ZMYND8: variants seen among roughly 807,000 people sequenced by gnomAD.
The protein encoded by ZMYND8 is zinc finger MYND-type containing 8.
In ZMYND8, 37 loss-of-function variants were observed where a neutral mutation model predicts 140.8. That is an observed-to-expected ratio of 0.26 (90% CI 0.20 to 0.35). ZMYND8 has a LOEUF of 0.35. ZMYND8 is among the 10% of genes least tolerant of loss of function. The pLI is 1.00. For missense variants in ZMYND8, 1,068 were observed against 1,570.0 expected (o/e 0.68, Z 5.40); for synonymous variants, 592 against 597.1 (o/e 0.99, Z 0.12).
intron 16 of ZMYND8, among the ~76,000 whole-genome samples, chr20:47,230,171 T>C (rs1035404886): frequency 2.0e-5 from 3 of 152,224 alleles, no homozygotes; most frequent in Non-Finnish European, 2.9e-5. Context: ...TGGATCGCAT[T>C]GTGGTGCCAC....
intron 7 of ZMYND8, 120 bp downstream of exon 7, chr20:47,290,067 G>A (rs1182699209): frequency 3.2e-6 from 3 of 939,356 alleles, no homozygotes; most frequent in Non-Finnish European, 4.6e-6. Context: ...ACATATATTA[G>A]CACAATCTAT....
Position 47,238,812 on chromosome 20 carries a change from G to A in ZMYND8, c.2611C>T (p.Gln871Ter), listed in dbSNP as rs2039584267. ...GTCCCCTGGGAAGACTGAGGCTGCT[G>A]CTGCTGGTTTTGCTGCTGCTGCTGC... is the stretch of plus-strand genomic sequence containing the variant. The part of the protein sequence containing the change: ...QQQQQQQNQQ[Q>*]QPQSSQGTRY... Residue 871 changes from glutamine (Q) to a stop codon, truncating the protein, a stop_gained, in exon 15 of 23, where the codon CAG becomes TAG. Transcript: ENST00000471951. LOFTEE classifies it high-confidence loss of function. The A allele has an allele frequency of 6.2e-7, 1 of 1,612,974 alleles. No individual in the cohort carries two copies. Among genetic ancestry groups the A allele is most frequent in the African/African-American group, 1.3e-5 (1 of 74,906 alleles).
At chr20:47,266,477 T>C (rs781251628) in intron 11 of ZMYND8, among the ~76,000 whole-genome samples, 2 of 152,136 alleles carry the variant, frequency 1.3e-5, no homozygotes, top group Non-Finnish European at 2.9e-5. Context: ...GATGGGGGTT[T>C]CACCATGTTG....
At position 47,276,306 on chromosome 20, in the gene ZMYND8, G is replaced by T. The variant is rs751663056; in HGVS notation, c.1480+8C>A. 3.2e-6 allele frequency: 5 copies of T among 1,544,352 alleles called. No homozygotes were observed. Among genetic ancestry groups the T allele is most frequent in the Non-Finnish European group, 4.4e-6 (5 of 1,143,726 alleles). On this transcript the variant is annotated splice_region_variant and intron_variant, in intron 11 of 22. Coordinates refer to ENST00000471951, the MANE Select transcript of ZMYND8 (RefSeq NM_001281775.3). Reference sequence around the variant, plus strand: ...GGCCTCCTCCCCGCTCCCCCGCACGGAGCTGACCTGTGCTCTTATCCAGGA... The same window carrying T: ...GGCCTCCTCCCCGCTCCCCCGCACGTAGCTGACCTGTGCTCTTATCCAGGA...
chr20:47,345,497 C>T (rs2082259755), intron 2 of ZMYND8, among the ~76,000 whole-genome samples: 1 of 151,126 alleles, frequency 6.6e-6, no homozygotes, highest in Non-Finnish European at 1.5e-5. Context: ...TGAGACAGAA[C>T]CTGACCCACT....
chr20:47,303,972 T>C (rs2148130518), intron 3 of ZMYND8, among the ~76,000 whole-genome samples: 1 of 152,050 alleles, frequency 6.6e-6, no homozygotes, highest in Middle Eastern at 3.4e-3. Flanking sequence ...TTAATCTCCT[T>C]ATCAATCAGA....
chr20:47,211,537 G>A (rs2035254183), intron 22 of ZMYND8, among the ~76,000 whole-genome samples: 1 of 152,206 alleles, frequency 6.6e-6, no homozygotes, highest in Non-Finnish European at 1.5e-5. Flanking sequence ...TGGACAAGGA[G>A]CTGAGTAGTG....
At chr20:47,322,484 A>G (rs1601919141) in intron 2 of ZMYND8, among the ~76,000 whole-genome samples, 1 of 134,202 alleles carries the variant, frequency 7.5e-6, no homozygotes, top group Non-Finnish European at 1.5e-5. Flanking sequence ...CTCTGTCTCC[A>G]GGCTGGAGTG....
chr20:47,223,656 C>T (rs142190564), intron 19 of ZMYND8, among the ~76,000 whole-genome samples: 2,614 of 151,884 alleles, frequency 0.017, 42 homozygotes, highest in Non-Finnish European at 0.022. Flanking sequence ...GAAACCCCAT[C>T]TCTACTAAAA....
intron 2 of ZMYND8, chr20:47,318,435 T>C (rs564508993): frequency 2.4e-5 from 8 of 332,766 alleles, no homozygotes; most frequent in South Asian, 1.2e-4. Flanking sequence ...CCAGGAATAT[T>C]TGGGGCCCTC....
At chr20:47,218,213 C>T (rs1289800536) in intron 21 of ZMYND8, among the ~76,000 whole-genome samples, 6 of 152,232 alleles carry the variant, frequency 3.9e-5, no homozygotes, top group Non-Finnish European at 8.8e-5. Context: ...CAACTACCTT[C>T]CTGTATGCCA....
At chr20:47,257,969 T>C (rs1394136656) in intron 12 of ZMYND8, among the ~76,000 whole-genome samples, 1 of 152,192 alleles carries the variant, frequency 6.6e-6, no homozygotes, top group Non-Finnish European at 1.5e-5. Flanking sequence ...GCAATCCTCC[T>C]GCCTCAGCCT....
chr20:47,255,592 GTGTA>G (rs1212633884), intron 12 of ZMYND8, among the ~76,000 whole-genome samples: 27 of 127,388 alleles, frequency 2.1e-4, no homozygotes, highest in East Asian at 4.3e-4. Context: ...GTGTGTGTGT[GTGTA>G]TATATATATA....
At chr20:47,211,652 G>A (rs1351219874) in intron 22 of ZMYND8, among the ~76,000 whole-genome samples, 2 of 152,198 alleles carry the variant, frequency 1.3e-5, no homozygotes, top group Non-Finnish European at 2.9e-5. Context: ...TCTGCTAGAT[G>A]GCTGACTGGA....
intron 13 of ZMYND8, among the ~76,000 whole-genome samples, chr20:47,248,424 A>G (rs992003791): frequency 3.9e-5 from 6 of 152,252 alleles, no homozygotes; most frequent in Non-Finnish European, 7.3e-5. Flanking sequence ...GGATAGCCCC[A>G]GATGGGTCCC....
intron 12 of ZMYND8, among the ~76,000 whole-genome samples, chr20:47,255,935 T>G (rs1046254070): frequency 1.3e-5 from 2 of 150,102 alleles, no homozygotes; most frequent in East Asian, 4.0e-4. Flanking sequence ...TAGCCGGGCA[T>G]GGTGGCGTAT....
chr20:47,220,345 A>T, intron 20 of ZMYND8, 21 bp from the exon 21 acceptor site: 1 of 1,547,028 alleles, frequency 6.5e-7, no homozygotes, highest in Admixed American at 2.0e-5. Context: ...AAAAAGAAAA[A>T]GATGGACTCA....
At position 47,238,867 on chromosome 20, in the gene ZMYND8, C is replaced by T; in HGVS notation, c.2556G>A (p.Trp852Ter). ...SSKFQTSSQK[W>*]HMQKMQRQQQ... is the part of the protein sequence containing the mutation. Reference sequence around the variant, plus strand: ...GCTGACGCTGCATCTTCTGCATGTGCCACTTTTGGGAGGACGTTTGAAACT... The same window carrying T: ...GCTGACGCTGCATCTTCTGCATGTGTCACTTTTGGGAGGACGTTTGAAACT... Residue 852 changes from tryptophan (W) to a stop codon, truncating the protein, a stop_gained, in exon 15 of 23, where the codon TGG becomes TGA. Coordinates refer to ENST00000471951, the MANE Select transcript of ZMYND8 (RefSeq NM_001281775.3). LOFTEE classifies it high-confidence loss of function. 6.2e-7 allele frequency: 1 copy of T among 1,613,568 alleles called. No individual in the cohort carries two copies. The highest frequency in any genetic ancestry group is 8.5e-7 in the Non-Finnish European group (1 of 1,179,986).
Position 47,238,895 on chromosome 20 carries a change from C to T in ZMYND8, c.2528G>A (p.Ser843Asn), listed in dbSNP as rs2039593743. Residue 843 changes from serine (S) to asparagine (N), a missense_variant, in exon 15 of 23, where the codon AGT becomes AAT. This residue lies in a region of ZMYND8 where 383 missense variants were observed against 431.2 expected (regional missense o/e 0.89). Coordinates refer to ENST00000471951, the MANE Select transcript of ZMYND8 (RefSeq NM_001281775.3). ...AVQRVVWNSS[S>N]KFQTSSQKWH... ...CTTTTGGGAGGACGTTTGAAACTTA[C>T]TTGATGAGTTCCACACGACCCGCTG... 2 of 1,613,908 alleles carry T rather than the reference C, an allele frequency of 1.2e-6. No homozygotes were observed. The highest frequency in any genetic ancestry group is 8.5e-7 in the Non-Finnish European group (1 of 1,180,062).
Sources: allele counts gnomAD v4.1 joint callset (sites outside exome capture counted in the v4.1 genomes callset), GRCh38; gene constraint gnomAD v4.1.1; regional missense constraint gnomAD v4.1.1; transcripts MANE v1.5; gene names NCBI Gene and HGNC (gene_info 2026-07-23, HGNC 2026-07-21).